CDH13: variants seen among roughly 807,000 people sequenced by gnomAD.
The protein encoded by CDH13 is cadherin 13.
A neutral mutation model predicts 63.8 loss-of-function variants in CDH13; 24 were observed. The observed-to-expected ratio is 0.38, with a 90% CI of 0.27 to 0.53. The LOEUF (loss-of-function observed/expected upper bound fraction) is 0.53. CDH13 is among the 20% of genes least tolerant of loss of function. The pLI, the probability that CDH13 is intolerant of heterozygous loss-of-function variation, is 0.85. For synonymous variants in CDH13, 503 were observed against 355.3 expected (o/e 1.42, Z -4.67); for missense variants, 1,049 against 903.1 (o/e 1.16, Z -2.07).
chr16:83,698,403 C>A (rs150350774), intron 10 of CDH13, among the ~76,000 whole-genome samples: 1 of 152,182 alleles, frequency 6.6e-6, no homozygotes, highest in Non-Finnish European at 1.5e-5. Flanking sequence ...TACTTTCTCC[C>A]AGTGTCACTG....
intron 6 of CDH13, among the ~76,000 whole-genome samples, chr16:83,410,797 G>A (rs1345189834): frequency 1.3e-5 from 2 of 152,124 alleles, no homozygotes; most frequent in Admixed American, 6.5e-5. Flanking sequence ...CATTTTGATT[G>A]TTTTCTTGTG....
chr16:83,234,771 T>C (rs1364656703), intron 5 of CDH13, among the ~76,000 whole-genome samples: 1 of 152,224 alleles, frequency 6.6e-6, no homozygotes, highest in Non-Finnish European at 1.5e-5. Flanking sequence ...TTTTGTCCAC[T>C]TTGCATGTGG....
chr16:82,687,532 G>T (rs1218247368), intron 1 of CDH13, among the ~76,000 whole-genome samples: 1 of 152,142 alleles, frequency 6.6e-6, no homozygotes, highest in Non-Finnish European at 1.5e-5. Flanking sequence ...ATGGTGACAG[G>T]CAAGAGAGAG....
intron 2 of CDH13, among the ~76,000 whole-genome samples, chr16:82,942,648 T>A (rs1904304938): frequency 6.6e-6 from 1 of 152,168 alleles, no homozygotes; most frequent in Non-Finnish European, 1.5e-5. Context: ...CCATGCTGTA[T>A]GTGCACTGGC....
chr16:82,787,374 C>A (rs781443493), intron 1 of CDH13, among the ~76,000 whole-genome samples: 3 of 152,042 alleles, frequency 2.0e-5, no homozygotes, highest in Non-Finnish European at 2.9e-5. Flanking sequence ...GGGGGGTAAA[C>A]AGAAAACTTG....
intron 4 of CDH13, among the ~76,000 whole-genome samples, chr16:83,147,881 A>T (rs972105782): frequency 2.0e-5 from 3 of 152,038 alleles, no homozygotes; most frequent in African/African-American, 4.8e-5. Flanking sequence ...TACAAATTCA[A>T]TGGAATTAGT....
chr16:83,346,293 C>T (rs1216122762), intron 6 of CDH13, among the ~76,000 whole-genome samples: 1 of 152,290 alleles, frequency 6.6e-6, no homozygotes, highest in South Asian at 2.1e-4. Context: ...CACGTGGCCC[C>T]TCTCTGTGAG....
At chr16:83,661,290 C>T (rs888953629) in intron 8 of CDH13, among the ~76,000 whole-genome samples, 1 of 152,170 alleles carries the variant, frequency 6.6e-6, no homozygotes, top group South Asian at 2.1e-4. Flanking sequence ...CATTCGAGGC[C>T]AGCCTGAGCA....
At chr16:82,667,379 G>A (rs1405094746) in intron 1 of CDH13, among the ~76,000 whole-genome samples, 1 of 152,184 alleles carries the variant, frequency 6.6e-6, no homozygotes, top group Non-Finnish European at 1.5e-5. Context: ...TGATTGAGAG[G>A]TTTGTAGAGC....
chr16:83,502,405 C>G (rs970307258), intron 7 of CDH13, among the ~76,000 whole-genome samples: 1 of 151,900 alleles, frequency 6.6e-6, no homozygotes. Context: ...AAAAAAAAGG[C>G]AAGGAGAGAA....
chr16:83,189,383 C>T (rs774520306), intron 4 of CDH13, among the ~76,000 whole-genome samples: 1 of 152,218 alleles, frequency 6.6e-6, no homozygotes, highest in Non-Finnish European at 1.5e-5. Context: ...ATTACCTCCT[C>T]ATGCTATTCT....
intron 7 of CDH13, among the ~76,000 whole-genome samples, chr16:83,496,272 A>G (rs925416156): frequency 8.0e-4 from 118 of 148,242 alleles, no homozygotes; most frequent in Non-Finnish European, 1.0e-3. Flanking sequence ...CTACAAGGCT[A>G]CAGTAACCAA....
At chr16:83,677,575 T>A (rs1915064617) in intron 9 of CDH13, among the ~76,000 whole-genome samples, 1 of 152,122 alleles carries the variant, frequency 6.6e-6, no homozygotes, top group South Asian at 2.1e-4. Flanking sequence ...TTTCCCTACA[T>A]CATACTCTAC....
At chr16:82,740,277 T>G (rs1190265513) in intron 1 of CDH13, among the ~76,000 whole-genome samples, 8 of 152,216 alleles carry the variant, frequency 5.3e-5, no homozygotes. Flanking sequence ...TAATTCTGGA[T>G]GGAAACTCAT....
intron 2 of CDH13, among the ~76,000 whole-genome samples, chr16:83,021,294 C>G (rs1025467002): frequency 2.0e-5 from 3 of 152,300 alleles, no homozygotes; most frequent in Middle Eastern, 3.4e-3. Context: ...TGTACTGTGT[C>G]AAGCACTGTG....
chr16:83,543,429 T>C (rs562722815), intron 7 of CDH13, among the ~76,000 whole-genome samples: 3 of 152,332 alleles, frequency 2.0e-5, no homozygotes, highest in East Asian at 3.9e-4. Context: ...GATTCAGTAA[T>C]AGGCATTTGA....
chr16:83,541,748 T>C (rs539291213), intron 7 of CDH13, among the ~76,000 whole-genome samples: 1 of 152,352 alleles, frequency 6.6e-6, no homozygotes, highest in South Asian at 2.1e-4. Context: ...CAGTGGTTTA[T>C]TTGTTGCAGC....
intron 1 of CDH13, among the ~76,000 whole-genome samples, chr16:82,711,724 C>A (rs969573626): frequency 6.6e-6 from 1 of 152,190 alleles, no homozygotes; most frequent in African/African-American, 2.4e-5. Flanking sequence ...TTTGCTGCTG[C>A]TGAAACACTG....
intron 5 of CDH13, among the ~76,000 whole-genome samples, chr16:83,293,817 C>T (rs556656586): frequency 8.3e-4 from 127 of 152,224 alleles, no homozygotes; most frequent in Non-Finnish European, 1.6e-3. Flanking sequence ...AGTTTCTTCC[C>T]AACAGAGTGG....
Sources: gnomAD v4.1 joint callset for allele counts (sites outside exome capture counted in the v4.1 genomes callset) on GRCh38, gnomAD v4.1.1 for gene constraint, MANE v1.5 for transcripts, NCBI Gene and HGNC (gene_info 2026-07-23, HGNC 2026-07-21) for gene names.